KIRREL1: variants seen among roughly 807,000 people sequenced by gnomAD.
KIRREL1 encodes kin of IRRE-like protein 1.
A neutral mutation model predicts 83.3 loss-of-function variants in KIRREL1; 25 were observed. The observed-to-expected ratio is 0.30, with a 90% CI of 0.22 to 0.42. KIRREL1 has a LOEUF of 0.42. Ranked by LOEUF, KIRREL1 falls within the 10% of genes least tolerant of loss-of-function variation. The pLI, the probability that KIRREL1 is intolerant of heterozygous loss-of-function variation, is 1.00. For synonymous variants in KIRREL1, 388 were observed against 410.4 expected (o/e 0.95, Z 0.66); for missense variants, 812 against 1,032.3 (o/e 0.79, Z 2.92).
chr1:158,075,691 G>A (rs1334766762), intron 1 of KIRREL1, among the ~76,000 whole-genome samples: 1 of 152,184 alleles, frequency 6.6e-6, no homozygotes, highest in Non-Finnish European at 1.5e-5. Context: ...CTGGGGCAAT[G>A]GGTAGTAGAG....
At chr1:158,058,603 T>C (rs1208182079) in intron 1 of KIRREL1, among the ~76,000 whole-genome samples, 1 of 152,278 alleles carries the variant, frequency 6.6e-6, no homozygotes, top group South Asian at 2.1e-4. Flanking sequence ...CTGATCCTGC[T>C]TTCTGCAGGT....
At chr1:158,091,279 G>A in intron 10 of KIRREL1, 79 bp from the exon 11 acceptor site, 1 of 1,358,256 alleles carries the variant, frequency 7.4e-7, no homozygotes, top group Non-Finnish European at 1.0e-6. Context: ...GGTGCCTTGA[G>A]GGTGGATCAG....
intron 1 of KIRREL1, among the ~76,000 whole-genome samples, chr1:158,056,823 A>C (rs777310646): frequency 1.1e-4 from 17 of 151,930 alleles, no homozygotes; most frequent in Admixed American, 5.9e-4. Context: ...TATGGGGCTC[A>C]CTCCTGGGTT....
In KIRREL1 at chr1:158,094,766, T is replaced by C. The variant is rs750911154; in HGVS notation, c.1920T>C (p.Arg640=). 1.1e-4 allele frequency: 182 copies of C among 1,613,548 alleles called. 1 individual carries two copies. Among genetic ancestry groups the C allele is most frequent in the Admixed American group, 2.7e-4 (16 of 59,956 alleles). Residue 640 remains arginine (R), a synonymous_variant, in exon 15 of 15, where the codon CGT becomes CGC. Coordinates refer to ENST00000359209, the MANE Select transcript of KIRREL1 (RefSeq NM_018240.7). The surrounding 1 kb of genome is among the most constrained non-coding windows in gnomAD (Gnocchi z 4.6). ...PARFDGRPSS[R]LSHSSGYAQL... is the part of the protein sequence containing the mutation. ...GCTTCGACGGCCGCCCCTCATCCCG[T>C]CTCTCCCACTCCAGCGGCTATGCCC...
intron 1 of KIRREL1, among the ~76,000 whole-genome samples, chr1:158,014,918 T>C (rs1427295068): frequency 6.6e-6 from 1 of 152,078 alleles, no homozygotes; most frequent in Admixed American, 6.5e-5. Context: ...ACTGGGACTA[T>C]TTAACTGTGT....
chr1:158,007,669 C>A (rs989788421), intron 1 of KIRREL1, among the ~76,000 whole-genome samples: 1 of 151,804 alleles, frequency 6.6e-6, no homozygotes, highest in Non-Finnish European at 1.5e-5. Context: ...GGAGTTAAAC[C>A]GGGCTTCAGC....
chr1:158,035,241 T>C (rs1980765), intron 1 of KIRREL1, among the ~76,000 whole-genome samples: 10,006 of 152,248 alleles, frequency 0.066, 380 homozygotes, highest in South Asian at 0.21. Flanking sequence ...GAAACCTGTT[T>C]AGAACAGCCC....
chr1:158,036,369 T>G (rs531761871), intron 1 of KIRREL1, among the ~76,000 whole-genome samples: 49 of 152,292 alleles, frequency 3.2e-4, no homozygotes, highest in African/African-American at 9.4e-4. Context: ...TTTAGGTGGC[T>G]TAGGGAGCTA....
intron 1 of KIRREL1, among the ~76,000 whole-genome samples, chr1:158,051,837 C>T (rs1056399804): frequency 2.4e-4 from 36 of 152,196 alleles, no homozygotes; most frequent in African/African-American, 8.4e-4. Context: ...CCTGTAAATG[C>T]CTTCACCTCC....
intron 1 of KIRREL1, among the ~76,000 whole-genome samples, chr1:157,994,701 A>G (rs552962180): frequency 2.2e-4 from 33 of 152,234 alleles, no homozygotes; most frequent in African/African-American, 5.8e-4. Flanking sequence ...TCCCTCCCCA[A>G]AAATGGAGCT....
In KIRREL1 at chr1:158,097,466, G is replaced by T. The variant is rs1193099283; in HGVS notation, c.*2346G>T. ...GGTAATTGAGCTGATGGTGCAGGGA[G>T]AATTGTTGAGAAAGGAAGCCTAGTT... is the stretch of plus-strand genomic sequence containing the variant. On this transcript the variant is annotated 3_prime_UTR_variant, in exon 15 of 15. Transcript: ENST00000359209. 4.9e-6 allele frequency: 1 copy of T among 202,940 alleles called. No individual in the cohort carries two copies. Among genetic ancestry groups the T allele is most frequent in the Non-Finnish European group, 9.9e-6 (1 of 100,958 alleles). The allele number at this position is 202,940 out of a possible 1,614,324, so 12.6% of individuals were successfully genotyped here. A position where few individuals can be genotyped will look rare whatever the true frequency, so the allele number is the denominator to read the frequency against.
chr1:158,091,406 T>C lies in KIRREL1; in HGVS notation c.1321T>C (p.Tyr441His), dbSNP rs1033493483. The stretch of plus-strand genomic sequence containing the variant: ...CTTGGAGGTGGGGACCCTGGAACGC[T>C]ATACAGTGGAGAGGACCAACTCAGG... ...NFLEVGTLER[Y>H]TVERTNSGSG... Residue 441 changes from tyrosine (Y) to histidine (H), a missense_variant, in exon 11 of 15, where the codon TAT (tyrosine) becomes CAT (histidine). Physicochemically the swap from Tyr to His is moderately conservative, Grantham distance 83 (BLOSUM62 2). Coordinates refer to ENST00000359209, the MANE Select transcript of KIRREL1 (RefSeq NM_018240.7). The C allele has an allele frequency of 6.8e-6, 11 of 1,614,054 alleles. No individual in the cohort carries two copies. Among genetic ancestry groups the C allele is most frequent in the Non-Finnish European group, 8.5e-6 (10 of 1,180,052 alleles).
At chr1:158,037,521 T>A (rs1211450970) in intron 1 of KIRREL1, among the ~76,000 whole-genome samples, 1 of 129,414 alleles carries the variant, frequency 7.7e-6, no homozygotes, top group Non-Finnish European at 1.6e-5. Flanking sequence ...AAGGAAGGGG[T>A]CAATCACACC....
At position 158,095,046 on chromosome 1, in the gene KIRREL1, A is replaced by T; in HGVS notation, c.2200A>T (p.Thr734Ser). Residue 734 changes from threonine to serine, a missense_variant, in exon 15 of 15, where the codon ACT becomes TCT. Around this residue, in one of 3 missense-constraint regions of KIRREL1, gnomAD observed 334 missense variants for 383.7 expected, o/e 0.87. Transcript: ENST00000359209. The stretch of plus-strand genomic sequence containing the variant: ...CCCCATTGGCAAGTACGCCACAGCC[A>T]CTCGATTCTCCTACACCTCCCAGCA... The part of the protein sequence containing the change: ...YDPIGKYATA[T>S]RFSYTSQHSD... 4 of 1,613,528 alleles carry T rather than the reference A, an allele frequency of 2.5e-6. No individual in the cohort carries two copies. Among genetic ancestry groups the T allele is most frequent in the Non-Finnish European group, 3.4e-6 (4 of 1,179,696 alleles).
At chr1:158,005,604 A>T (rs1283764958) in intron 1 of KIRREL1, among the ~76,000 whole-genome samples, 3 of 151,578 alleles carry the variant, frequency 2.0e-5, no homozygotes, top group African/African-American at 7.3e-5. Context: ...GATGTGGGGG[A>T]AAGAATTTTG....
chr1:158,049,032 A>G (rs1232524170), intron 1 of KIRREL1, among the ~76,000 whole-genome samples: 1 of 152,192 alleles, frequency 6.6e-6, no homozygotes, highest in East Asian at 1.9e-4. Context: ...AAGAGGGAGC[A>G]TTTGGGTTGC....
intron 1 of KIRREL1, among the ~76,000 whole-genome samples, chr1:158,015,921 G>A (rs764660798): frequency 2.0e-5 from 3 of 152,058 alleles, no homozygotes; most frequent in South Asian, 2.1e-4. Context: ...ATCATTGACC[G>A]AATCTATGTA....
chr1:158,098,189 G>A lies in KIRREL1; in HGVS notation c.*3069G>A, dbSNP rs1022289734. ...CACAAAATACACCCTAAACCTCAGAGTAAAATTGATGTGGGGCTATCCTTT... is the reference window on the plus strand; with the variant it reads ...CACAAAATACACCCTAAACCTCAGAATAAAATTGATGTGGGGCTATCCTTT... On this transcript the variant is annotated 3_prime_UTR_variant, in exon 15 of 15. Transcript: ENST00000359209. 1.3e-5 allele frequency: 2 copies of A among 152,244 alleles called. No homozygotes were observed. Among genetic ancestry groups the A allele is most frequent in the Admixed American group, 1.3e-4 (2 of 15,282 alleles). The allele number at this position is 152,244 out of a possible 1,614,324, so 9.4% of individuals were successfully genotyped here. A position where few individuals can be genotyped will look rare whatever the true frequency, so the allele number is the denominator to read the frequency against.
intron 1 of KIRREL1, among the ~76,000 whole-genome samples, chr1:158,009,212 G>A (rs1659603663): frequency 6.6e-6 from 1 of 152,056 alleles, no homozygotes; most frequent in Non-Finnish European, 1.5e-5. Context: ...AAGCGGATGG[G>A]GGACATGGAA....
Sources: allele counts gnomAD v4.1 joint callset (sites outside exome capture counted in the v4.1 genomes callset), GRCh38; gene constraint gnomAD v4.1.1; regional missense constraint gnomAD v4.1.1; non-coding constraint Gnocchi (gnomAD v3.1); transcripts MANE v1.5; gene names NCBI Gene and HGNC (gene_info 2026-07-23, HGNC 2026-07-21).